The following MFNG variants were observed in gnomAD, a reference collection of about 807,000 sequenced individuals.
MFNG encodes the protein beta-1,3-N-acetylglucosaminyltransferase manic fringe.
In MFNG, 24 loss-of-function variants were observed where a neutral mutation model predicts 34.2. The ratio of observed to expected loss-of-function variants is 0.70; its 90% CI spans 0.51 to 0.99. The LOEUF (loss-of-function observed/expected upper bound fraction) is 0.99, where lower values mean the gene tolerates loss of function less well. Ranked by LOEUF, MFNG falls within the 50% of genes least tolerant of loss-of-function variation. The pLI, the probability that MFNG is intolerant of heterozygous loss-of-function variation, is 0.00. For synonymous variants in MFNG, 158 were observed against 179.2 expected (o/e 0.88, Z 0.94); for missense variants, 383 against 424.0 (o/e 0.90, Z 0.85).
chr22:37,480,905 C>T (rs1321344436), intron 1 of MFNG, 136 bp from the exon 2 acceptor site: 9 of 738,822 alleles, frequency 1.2e-5, no homozygotes, highest in Middle Eastern at 2.4e-4. Context: ...CATGGTCACA[C>T]GCTCCTTTAG....
chr22:37,476,665 G>A (rs1922056126), intron 5 of MFNG, among the ~76,000 whole-genome samples: 1 of 152,196 alleles, frequency 6.6e-6, no homozygotes, highest in Non-Finnish European at 1.5e-5. Context: ...GGGGCTCTTG[G>A]AGATGACATG....
At chr22:37,481,308 G>C (rs574596813) in intron 1 of MFNG, 1 of 154,666 alleles carries the variant, frequency 6.5e-6, no homozygotes, top group Non-Finnish European at 1.4e-5. Flanking sequence ...GGCTCTCCCA[G>C]ATTGGACATG....
chr22:37,478,693 C>T (rs1169771000), intron 4 of MFNG, among the ~76,000 whole-genome samples: 3 of 148,520 alleles, frequency 2.0e-5, no homozygotes, highest in Non-Finnish European at 3.0e-5. Context: ...TTTTTTTTGA[C>T]GGAGGGACGG....
In MFNG at chr22:37,474,715, C is replaced by T. The variant is rs376856993; in HGVS notation, c.648-38G>A. The T allele has an allele frequency of 6.0e-5, 92 of 1,544,176 alleles. No individual in the cohort carries two copies. The Middle Eastern group carries it at 3.1e-3, about 53-fold the overall frequency. On this transcript the variant is annotated intron_variant, in intron 5 of 7. Coordinates refer to ENST00000356998, the MANE Select transcript of MFNG (RefSeq NM_002405.4). The stretch of plus-strand genomic sequence containing the variant: ...GCCAGACTGCAGACGCTGGCCCAGG[C>T]CCTCCACACCCAGAGCCGTGGGCCA...
intron 1 of MFNG, among the ~76,000 whole-genome samples, chr22:37,484,941 C>G (rs1212313376): frequency 6.6e-6 from 1 of 152,026 alleles, no homozygotes; most frequent in Non-Finnish European, 1.5e-5. Flanking sequence ...TCACTTCCTC[C>G]CACTGAGCCA....
At position 37,485,731 on chromosome 22, in the gene MFNG, T is replaced by C. The variant is rs890995370; in HGVS notation, c.255+192A>G. ...TGGGTGCACCTGGAGTCAGGACCAG[T>C]ACAGGGCACGGGCAGGGCCGCAGGC... On this transcript the variant is annotated intron_variant, in intron 1 of 7. Transcript: ENST00000356998. The surrounding 1 kb of genome is among the most constrained non-coding windows in gnomAD (Gnocchi z 5.3). Among the ~76,000 whole-genome samples, 3 of 151,946 alleles carry C rather than the reference T, an allele frequency of 2.0e-5. No homozygotes were observed. The highest frequency in any genetic ancestry group is 7.3e-5 in the African/African-American group (3 of 41,346).
chr22:37,480,619 G>C lies in MFNG; in HGVS notation c.304+102C>G. ...GGGGAATCTCCACATGCCAAGGGTG[G>C]GCGGCCCATTTCCTGGGAACCCTCA... On this transcript the variant is annotated intron_variant, in intron 2 of 7. Transcript: ENST00000356998. 7 of 1,117,030 alleles carry C rather than the reference G, an allele frequency of 6.3e-6. No individual in the cohort carries two copies. In the South Asian group the frequency reaches 8.0e-5, roughly 13 times the overall value. The allele number at this position is 1,117,030 out of a possible 1,614,324, so 69.2% of individuals were successfully genotyped here.
chr22:37,481,105 AAT>A, intron 1 of MFNG: 1 of 332,518 alleles, frequency 3.0e-6, no homozygotes, highest in Non-Finnish European at 5.6e-6. Flanking sequence ...ACACACACAC[AAT>A]CACAGCTGCA....
In MFNG at chr22:37,485,422, C is replaced by T. The variant is rs1922500767; in HGVS notation, c.255+501G>A. Among the ~76,000 whole-genome samples, 1 of 152,202 alleles carries T rather than the reference C, an allele frequency of 6.6e-6. No homozygotes were observed. The highest frequency in any genetic ancestry group is 6.5e-5 in the Admixed American group (1 of 15,282). Reference sequence around the variant, plus strand: ...GGGATGCCTCCCCCAAGAACAGACCCCACCATTCTCCTCCCGTCCTCCACC... The same window carrying T: ...GGGATGCCTCCCCCAAGAACAGACCTCACCATTCTCCTCCCGTCCTCCACC... On this transcript the variant is annotated intron_variant, in intron 1 of 7. Coordinates refer to ENST00000356998, the MANE Select transcript of MFNG (RefSeq NM_002405.4). This position sits in a 1 kb window ranked among gnomAD's most constrained non-coding sequence, Gnocchi z 5.3.
intron 7 of MFNG, 136 bp from the exon 8 acceptor site, chr22:37,470,165 A>G: frequency 1.6e-6 from 1 of 643,838 alleles, no homozygotes; most frequent in Non-Finnish European, 2.8e-6. Context: ...ACTTAGGGCC[A>G]GAGAATTCTT....
In MFNG at chr22:37,473,649, C is replaced by G. The variant is rs191063838; in HGVS notation, c.813+863G>C. On this transcript the variant is annotated intron_variant, in intron 6 of 7. Coordinates refer to ENST00000356998, the MANE Select transcript of MFNG (RefSeq NM_002405.4). ...CTGGTAGGAGATGGGTCACCTGACC[C>G]AAGCCCAGTCATCAAATCAATGAAC... Among the ~76,000 whole-genome samples the G allele has an allele frequency of 5.9e-5, 9 of 152,276 alleles. No homozygotes were observed. In the East Asian group the frequency reaches 1.5e-3, roughly 26 times the overall value.
intron 6 of MFNG, among the ~76,000 whole-genome samples, chr22:37,473,604 A>G (rs919549999): frequency 2.0e-5 from 3 of 152,154 alleles, no homozygotes; most frequent in Middle Eastern, 3.2e-3. Context: ...GGCCTGGCCA[A>G]TCAACACTAA....
intron 7 of MFNG, among the ~76,000 whole-genome samples, chr22:37,471,939 G>C (rs545113119): frequency 6.6e-6 from 1 of 151,932 alleles, no homozygotes; most frequent in South Asian, 2.1e-4. Flanking sequence ...CCAGTCAGGA[G>C]CGGATTTGGG....
rs1408539767 is a variant in MFNG at position 37,485,241 on chromosome 22, C to A, written c.255+682G>T. On this transcript the variant is annotated intron_variant, in intron 1 of 7. Coordinates refer to ENST00000356998, the MANE Select transcript of MFNG (RefSeq NM_002405.4). This position sits in a 1 kb window ranked among gnomAD's most constrained non-coding sequence, Gnocchi z 5.3. ...CCAGGCAGGCCTCCCCAACCTCCGG[C>A]CCACCACTGCCTCAGCCGCCACCCT... is the stretch of plus-strand genomic sequence containing the variant. Among the ~76,000 whole-genome samples the A allele has an allele frequency of 6.6e-6, 1 of 152,168 alleles. No individual in the cohort carries two copies. The highest frequency in any genetic ancestry group is 1.5e-5 in the Non-Finnish European group (1 of 68,026).
intron 7 of MFNG, among the ~76,000 whole-genome samples, chr22:37,471,830 CAAAAAA>C (rs913243094): frequency 1.7e-4 from 6 of 35,494 alleles, no homozygotes; most frequent in Non-Finnish European, 3.0e-4. Context: ...GGCTCCATCT[CAAAAAA>C]AAAAAAAAAA....
At position 37,480,709 on chromosome 22, in the gene MFNG, G is replaced by A. The variant is rs145994249; in HGVS notation, c.304+12C>T. 9.2e-5 allele frequency: 149 copies of A among 1,612,654 alleles called. 1 individual carries two copies. The highest frequency in any genetic ancestry group is 8.5e-4 in the African/African-American group (64 of 75,012). On this transcript the variant is annotated intron_variant, in intron 2 of 7. Coordinates refer to ENST00000356998, the MANE Select transcript of MFNG (RefSeq NM_002405.4). ...TAAAGTCCCCCACCACACCCAGGCC[G>A]GGCAGAGTTACCCAGTCTCTCCTGG...
intron 1 of MFNG, among the ~76,000 whole-genome samples, chr22:37,484,910 C>T (rs1291391818): frequency 1.3e-5 from 2 of 152,150 alleles, no homozygotes; most frequent in South Asian, 2.1e-4. Context: ...CAGGAGGTCT[C>T]GACTATCTCC....
In MFNG at chr22:37,485,183, GCACACA is replaced by G. The variant is rs112395451; in HGVS notation, c.255+734_255+739del. 6.7e-6 allele frequency among the ~76,000 whole-genome samples: 1 copy of G among 149,992 alleles called. No homozygotes were observed. Among genetic ancestry groups the G allele is most frequent in the African/African-American group, 2.4e-5 (1 of 40,982 alleles). ...GCACACTCCAGCTCCGTGCGTGTGAGCACACACACACACACACACACAATCCCACGT... is the reference window on the plus strand; with the variant it reads ...GCACACTCCAGCTCCGTGCGTGTGAGCACACACACACACACAATCCCACGT... On this transcript the variant is annotated intron_variant, in intron 1 of 7. Transcript: ENST00000356998. The surrounding 1 kb of genome is among the most constrained non-coding windows in gnomAD (Gnocchi z 5.3).
intron 7 of MFNG, among the ~76,000 whole-genome samples, chr22:37,472,233 C>A (rs1921839976): frequency 6.6e-6 from 1 of 152,050 alleles, no homozygotes; most frequent in South Asian, 2.1e-4. Flanking sequence ...TAATGGGAGA[C>A]CGAATCCCAG....
Sources: allele counts gnomAD v4.1 joint callset (sites outside exome capture counted in the v4.1 genomes callset), GRCh38; gene constraint gnomAD v4.1.1; non-coding constraint Gnocchi (gnomAD v3.1); transcripts MANE v1.5; gene names NCBI Gene and HGNC (gene_info 2026-07-23, HGNC 2026-07-21).